Variants in USP54 observed in about 807,000 individuals in gnomAD.
USP54 encodes the protein ubiquitin carboxyl-terminal hydrolase 54.
In USP54, 87 loss-of-function variants were observed where a neutral mutation model predicts 170.5. That is an observed-to-expected ratio of 0.51 (90% confidence interval 0.43 to 0.61). USP54 has a LOEUF of 0.61. Among genes scored for constraint, USP54 ranks in the 20% least tolerant of loss-of-function variants. USP54 has a pLI of 0.00. For synonymous variants in USP54, 655 were observed against 742.8 expected (o/e 0.88, Z 1.92); for missense variants, 1,786 against 2,047.8 (o/e 0.87, Z 2.47).
At chr10:73,588,506 G>C (rs2077803082) in intron 1 of USP54, among the ~76,000 whole-genome samples, 1 of 152,234 alleles carries the variant, frequency 6.6e-6, no homozygotes, top group Admixed American at 6.5e-5. Flanking sequence ...TTACAGGCGT[G>C]AGCCACCGCG....
At chr10:73,615,845 G>C (rs2132333573) in intron 1 of USP54, among the ~76,000 whole-genome samples, 1 of 146,898 alleles carries the variant, frequency 6.8e-6, no homozygotes, top group African/African-American at 2.7e-5. Context: ...ACCTGAGCTT[G>C]GGAAATTGAG....
At chr10:73,511,796 G>A (rs1180757258) in intron 20 of USP54, among the ~76,000 whole-genome samples, 1 of 149,844 alleles carries the variant, frequency 6.7e-6, no homozygotes, top group Non-Finnish European at 1.5e-5. Context: ...AGGCTGGAGT[G>A]CAGTGGCGTG....
chr10:73,529,728 C>T lies in USP54; in HGVS notation c.2012G>A (p.Ser671Asn). The change falls in exon 15 of 24, where the codon AGC becomes AAC. Residue 671 changes from serine (S) to asparagine (N), a missense_variant. By Grantham distance (46) the Ser-to-Asn change is conservative (BLOSUM62 1). Coordinates refer to ENST00000687698, the MANE Select transcript of USP54 (RefSeq NM_001391956.1). ...CAGGGCTGCATCCAGGCTGACAGGG[C>T]TGCTGCTGTTCCTCTCACTGCTTTC... ...GYESSERNSS[S>N]PVSLDAALPE... is the part of the protein sequence containing the mutation. 1 of 1,613,928 alleles carries T rather than the reference C, an allele frequency of 6.2e-7. No homozygotes were observed. Among genetic ancestry groups the T allele is most frequent in the East Asian group, 2.2e-5 (1 of 44,878 alleles).
chr10:73,623,963 G>C (rs570945310), intron 1 of USP54, among the ~76,000 whole-genome samples: 2 of 151,888 alleles, frequency 1.3e-5, no homozygotes, highest in African/African-American at 2.4e-5. Flanking sequence ...GAGTTCAGTA[G>C]AGCTTGTTAT....
chr10:73,544,673 A>C (rs1331758393), intron 5 of USP54, among the ~76,000 whole-genome samples: 1 of 150,606 alleles, frequency 6.6e-6, no homozygotes, highest in East Asian at 1.9e-4. Context: ...GCCACATTTT[A>C]CCCTGTGATG....
intron 5 of USP54, 70 bp downstream of exon 5, chr10:73,545,468 T>C (rs2067584532): frequency 1.3e-6 from 2 of 1,571,838 alleles, no homozygotes; most frequent in South Asian, 1.2e-5. Flanking sequence ...CACCATAAAG[T>C]AGCCAGTCCC....
intron 1 of USP54, among the ~76,000 whole-genome samples, chr10:73,579,310 ACTT>A (rs1222141479): frequency 2.0e-5 from 3 of 152,156 alleles, no homozygotes; most frequent in Non-Finnish European, 2.9e-5. Context: ...ATAGAATTGA[ACTT>A]CATCATAAGA....
At chr10:73,624,196 G>A (rs556862051) in intron 1 of USP54, among the ~76,000 whole-genome samples, 2,316 of 54,204 alleles carry the variant, frequency 0.043, 2 homozygotes, top group Middle Eastern at 0.081. Context: ...ATATATATAT[G>A]TATTTTTTTT....
At chr10:73,611,158 A>G (rs1323127798) in intron 1 of USP54, among the ~76,000 whole-genome samples, 2 of 152,216 alleles carry the variant, frequency 1.3e-5, no homozygotes, top group Non-Finnish European at 2.9e-5. Context: ...TAAAAATAAA[A>G]TAATTCACAA....
intron 15 of USP54, chr10:73,529,380 T>C (rs1012293771): frequency 2.5e-6 from 1 of 401,996 alleles, no homozygotes; most frequent in Non-Finnish European, 4.7e-6. Context: ...AAATAATCTG[T>C]ACAATGAACT....
rs775067972 is a variant in USP54, at chr10:73,520,954, C to T, written c.2436G>A (p.Gln812=). The change falls in exon 18 of 24, where the codon CAG becomes CAA. Residue 812 remains glutamine (Q), a synonymous_variant. Coordinates refer to ENST00000687698, the MANE Select transcript of USP54 (RefSeq NM_001391956.1). Reference sequence around the variant, plus strand: ...CCAAAGCTGCAGCACAGTCTCCTTTCTGTTCCAGATGTAGTGACTCTTCAA... The same window carrying T: ...CCAAAGCTGCAGCACAGTCTCCTTTTTGTTCCAGATGTAGTGACTCTTCAA... ...SVFEESLHLE[Q]KGDCAAALAL... 1.9e-6 allele frequency: 3 copies of T among 1,614,108 alleles called. No individual in the cohort carries two copies. The African/African-American group carries it at 4.0e-5, about 22-fold the overall frequency.
In USP54 at chr10:73,529,781, T is replaced by G. The variant is rs1192029244; in HGVS notation, c.1959A>C (p.Arg653=). 5 of 1,613,804 alleles carry G rather than the reference T, an allele frequency of 3.1e-6. No individual in the cohort carries two copies. The African/African-American group carries it at 5.3e-5, about 17-fold the overall frequency. ...PGSHLLEQHP[R]LIQRMESGYE... is the part of the protein sequence containing the mutation. ...AGCCAGATTCCATTCGCTGGATTAGTCGGGGGTGCTGCTCTAAAAGGTGAG... is the reference window on the plus strand; with the variant it reads ...AGCCAGATTCCATTCGCTGGATTAGGCGGGGGTGCTGCTCTAAAAGGTGAG... The change falls in exon 15 of 24, where the codon CGA becomes CGC. Residue 653 remains arginine, a synonymous_variant. Transcript: ENST00000687698.
intron 22 of USP54, among the ~76,000 whole-genome samples, chr10:73,502,103 G>T (rs771631395): frequency 2.6e-5 from 4 of 152,158 alleles, no homozygotes; most frequent in Non-Finnish European, 5.9e-5. Flanking sequence ...TGGGCACTTA[G>T]TAATAATACA....
chr10:73,606,389 G>A (rs2079633160), intron 1 of USP54: 1 of 152,006 alleles, frequency 6.6e-6, no homozygotes, highest in South Asian at 2.1e-4. Flanking sequence ...AGCCAATCAG[G>A]AGGCTGAGGT....
At chr10:73,549,558 C>G (rs2068726336) in intron 4 of USP54, among the ~76,000 whole-genome samples, 1 of 152,192 alleles carries the variant, frequency 6.6e-6, no homozygotes, top group Non-Finnish European at 1.5e-5. Context: ...TGTGACCCTT[C>G]CCTTGCTTTC....
intron 23 of USP54, 91 bp from the exon 24 acceptor site, chr10:73,499,279 C>G: frequency 7.9e-7 from 1 of 1,261,436 alleles, no homozygotes; most frequent in Non-Finnish European, 1.1e-6. Flanking sequence ...AGCCCAATTC[C>G]CTACTCCTCC....
intron 1 of USP54, among the ~76,000 whole-genome samples, chr10:73,624,159 C>CATATAT (rs58238181): frequency 0.098 from 6,836 of 69,402 alleles, 626 homozygotes; most frequent in Non-Finnish European, 0.13. Context: ...TTTTAAAAGC[C>CATATAT]ATATATATAT....
At chr10:73,519,658 T>C (rs969918122) in intron 19 of USP54, 139 bp downstream of exon 19, 5 of 1,334,426 alleles carry the variant, frequency 3.7e-6, no homozygotes, top group Non-Finnish European at 5.1e-6. Context: ...ACTGTATGTC[T>C]GACCTGAAAG....
chr10:73,532,839 CA>C (rs1270014374), intron 12 of USP54, among the ~76,000 whole-genome samples: 1 of 152,062 alleles, frequency 6.6e-6, no homozygotes, highest in Non-Finnish European at 1.5e-5. Flanking sequence ...GAGGAAAAAA[CA>C]GTAGATTAAA....
Sources: gnomAD v4.1 joint callset for allele counts (sites outside exome capture counted in the v4.1 genomes callset) on GRCh38, gnomAD v4.1.1 for gene constraint, MANE v1.5 for transcripts, NCBI Gene and HGNC (gene_info 2026-07-23, HGNC 2026-07-21) for gene names.